CAMK4: variants seen among roughly 807,000 people sequenced by gnomAD.
The protein encoded by CAMK4 is calcium/calmodulin dependent protein kinase IV, also known as calcium/calmodulin-dependent protein kinase type IV.
Under a neutral mutation model 44.9 loss-of-function variants are expected in CAMK4, and 22 were observed. The ratio of observed to expected loss-of-function variants is 0.49; its 90% CI spans 0.35 to 0.70. The LOEUF is 0.70. CAMK4 is among the 30% of genes least tolerant of loss of function. The pLI, the probability that CAMK4 is intolerant of heterozygous loss-of-function variation, is 0.01. For missense variants in CAMK4, 498 were observed against 586.8 expected (o/e 0.85, Z 1.56); for synonymous variants, 218 against 215.4 (o/e 1.01, Z -0.11).
chr5:111,225,636 G>T (rs1448767447), intron 1 of CAMK4, among the ~76,000 whole-genome samples: 1 of 151,966 alleles, frequency 6.6e-6, no homozygotes, highest in Non-Finnish European at 1.5e-5. Flanking sequence ...TTCTCTTTTT[G>T]CTGGAAATAG....
chr5:111,298,747 A>G (rs1007188542), intron 1 of CAMK4, among the ~76,000 whole-genome samples: 2 of 152,222 alleles, frequency 1.3e-5, no homozygotes, highest in Non-Finnish European at 2.9e-5. Context: ...CCTCCTGTTA[A>G]CAGATGAGGT....
At chr5:111,293,550 C>T (rs1287492323) in intron 1 of CAMK4, among the ~76,000 whole-genome samples, 5 of 151,224 alleles carry the variant, frequency 3.3e-5, no homozygotes, top group Non-Finnish European at 5.9e-5. Context: ...CCTCAGTCTC[C>T]GGAGTAGCTG....
intron 2 of CAMK4, among the ~76,000 whole-genome samples, chr5:111,367,658 A>G (rs1750844332): frequency 6.6e-6 from 1 of 152,176 alleles, no homozygotes; most frequent in African/African-American, 2.4e-5. Flanking sequence ...TAAATGAGAT[A>G]GGACATCTCC....
chr5:111,323,589 T>C (rs1320293408), intron 1 of CAMK4, among the ~76,000 whole-genome samples: 1 of 151,620 alleles, frequency 6.6e-6, no homozygotes, highest in African/African-American at 2.4e-5. Context: ...CAGAAGACAA[T>C]GGAACAACAC....
At chr5:111,410,055 C>T (rs992159993) in intron 5 of CAMK4, among the ~76,000 whole-genome samples, 5 of 152,196 alleles carry the variant, frequency 3.3e-5, no homozygotes, top group Non-Finnish European at 7.3e-5. Context: ...CTTTCAACCT[C>T]TGACTGTTGC....
intron 2 of CAMK4, among the ~76,000 whole-genome samples, chr5:111,348,734 C>T (rs1173819658): frequency 6.6e-6 from 1 of 151,950 alleles, no homozygotes; most frequent in African/African-American, 2.4e-5. Flanking sequence ...ATTATTCATT[C>T]TGGTATTTCA....
At chr5:111,355,486 T>TTTTATTTATTTATTTATTTATTTATTTA (rs143763443) in intron 2 of CAMK4, among the ~76,000 whole-genome samples, 2 of 146,822 alleles carry the variant, frequency 1.4e-5, no homozygotes, top group Non-Finnish European at 3.0e-5. Flanking sequence ...TCTGCATTCT[T>TTTTATTTATTTATTTATTTATTTATTTA]TTTATTTATT....
At chr5:111,428,152 T>C (rs1252920698) in intron 5 of CAMK4, among the ~76,000 whole-genome samples, 1 of 152,210 alleles carries the variant, frequency 6.6e-6, no homozygotes, top group East Asian at 1.9e-4. Context: ...CCTCTACAAG[T>C]CTGCAAAAAC....
rs1233681377 is a variant in CAMK4, at chr5:111,491,523, A to C, written c.*7057A>C. ...TTTGTTTTATGTTGCAGATGCTCTC[A>C]CAACAATAATTGTGCTGGAGATAGA... On this transcript the variant is annotated 3_prime_UTR_variant, in exon 11 of 11. Coordinates refer to ENST00000282356, the MANE Select transcript of CAMK4 (RefSeq NM_001744.6). The C allele has an allele frequency of 6.6e-6, 1 of 151,912 alleles. No individual in the cohort carries two copies. Among genetic ancestry groups the C allele is most frequent in the Non-Finnish European group, 1.5e-5 (1 of 67,996 alleles). 9.4% of individuals were successfully genotyped at this position (151,912 alleles called of 1,614,324 possible). A position where few individuals can be genotyped will look rare whatever the true frequency, so the allele number is the denominator to read the frequency against.
intron 1 of CAMK4, among the ~76,000 whole-genome samples, chr5:111,241,933 C>G (rs1749010009): frequency 6.6e-6 from 1 of 152,132 alleles, no homozygotes; most frequent in African/African-American, 2.4e-5. Context: ...TAGATCAGCT[C>G]TAGGCAATAA....
intron 1 of CAMK4, among the ~76,000 whole-genome samples, chr5:111,309,132 C>T (rs371435961): frequency 8.5e-5 from 13 of 152,204 alleles, no homozygotes; most frequent in African/African-American, 3.1e-4. Flanking sequence ...TCACAAGGCT[C>T]TGCTAGCTGA....
intron 5 of CAMK4, among the ~76,000 whole-genome samples, chr5:111,418,601 C>T (rs1046329786): frequency 1.3e-5 from 2 of 149,444 alleles, no homozygotes; most frequent in East Asian, 2.0e-4. Flanking sequence ...CCTCCCCCCA[C>T]CCCACAACAG....
At chr5:111,230,476 G>T (rs1196010350) in intron 1 of CAMK4, among the ~76,000 whole-genome samples, 1 of 151,798 alleles carries the variant, frequency 6.6e-6, no homozygotes, top group Non-Finnish European at 1.5e-5. Flanking sequence ...ATCAAGTGAA[G>T]GCTACGATAA....
At chr5:111,296,696 G>C (rs1218101325) in intron 1 of CAMK4, among the ~76,000 whole-genome samples, 1 of 152,150 alleles carries the variant, frequency 6.6e-6, no homozygotes, top group Non-Finnish European at 1.5e-5. Context: ...ACTGAAAGTG[G>C]AGTTTAAACA....
At chr5:111,439,766 G>A (rs185725343) in intron 5 of CAMK4, among the ~76,000 whole-genome samples, 6 of 152,224 alleles carry the variant, frequency 3.9e-5, no homozygotes, top group Non-Finnish European at 7.4e-5. Context: ...AAAAAGCAGA[G>A]GGTCCTAAGC....
intron 5 of CAMK4, among the ~76,000 whole-genome samples, chr5:111,443,243 C>CATATATATAT (rs1232548245): frequency 2.1e-4 from 15 of 72,216 alleles, no homozygotes; most frequent in Admixed American, 4.0e-4. Flanking sequence ...CTCCCCCTAC[C>CATATATATAT]ATATATATAT....
In CAMK4 at chr5:111,458,895, G is replaced by A. The variant is rs543928758; in HGVS notation, c.625+9692G>A. ...AATGCAGTGACAAGGGCAGAAAATA[G>A]TAGATAGGAGAGGGGATAACTAACA... is the stretch of plus-strand genomic sequence containing the variant. On this transcript the variant is annotated intron_variant, in intron 7 of 10. Coordinates refer to ENST00000282356, the MANE Select transcript of CAMK4 (RefSeq NM_001744.6). Among the ~76,000 whole-genome samples the A allele has an allele frequency of 2.0e-5, 3 of 152,156 alleles. No homozygotes were observed. In the South Asian group the frequency reaches 6.2e-4, roughly 32 times the overall value.
intron 1 of CAMK4, among the ~76,000 whole-genome samples, chr5:111,228,536 G>A (rs992994753): frequency 2.0e-5 from 3 of 151,798 alleles, no homozygotes; most frequent in African/African-American, 7.3e-5. Context: ...GTGTGTGTGT[G>A]TGTGTGTGTG....
chr5:111,294,123 T>G (rs1747390740), intron 1 of CAMK4, among the ~76,000 whole-genome samples: 1 of 152,200 alleles, frequency 6.6e-6, no homozygotes, highest in African/African-American at 2.4e-5. Context: ...ATTTATTCAC[T>G]CACCCATTCA....
Sources: gnomAD v4.1 joint callset for allele counts (sites outside exome capture counted in the v4.1 genomes callset) on GRCh38, gnomAD v4.1.1 for gene constraint, MANE v1.5 for transcripts, NCBI Gene and HGNC (gene_info 2026-07-23, HGNC 2026-07-21) for gene names.